The following OSBPL1A variants were observed in gnomAD, a reference collection of about 807,000 sequenced individuals.
OSBPL1A encodes the protein oxysterol binding protein like 1A.
A neutral mutation model predicts 137.1 loss-of-function variants in OSBPL1A; 80 were observed. That is an observed-to-expected ratio of 0.58 (90% CI 0.49 to 0.70). The LOEUF (loss-of-function observed/expected upper bound fraction) is 0.70. OSBPL1A is among the 30% of genes least tolerant of loss of function. OSBPL1A has a pLI of 0.00. For missense variants in OSBPL1A, 970 were observed against 1,129.4 expected (o/e 0.86, Z 2.02); for synonymous variants, 365 against 389.7 (o/e 0.94, Z 0.75).
intron 16 of OSBPL1A, among the ~76,000 whole-genome samples, chr18:24,226,260 G>C (rs1168654217): frequency 1.3e-5 from 2 of 152,136 alleles, no homozygotes; most frequent in African/African-American, 4.8e-5. Flanking sequence ...AGGACAATGT[G>C]GTTATTAACA....
chr18:24,185,349 A>G lies in OSBPL1A; in HGVS notation c.1678-4070T>C, dbSNP rs1191875998. On this transcript the variant is annotated intron_variant, in intron 18 of 27. Coordinates refer to ENST00000319481, the MANE Select transcript of OSBPL1A (RefSeq NM_080597.4). ...TTTTCTTTTTTTTTTTTTTTTTGAG[A>G]CTGAGTCTCGCCCTGTGGCCCAGGC... Among the ~76,000 whole-genome samples, 6 of 142,032 alleles carry G rather than the reference A, an allele frequency of 4.2e-5. No homozygotes were observed. In the East Asian group the frequency reaches 1.0e-3, roughly 24 times the overall value. 93.2% of individuals were successfully genotyped at this position (142,032 alleles called of 152,430 possible).
In OSBPL1A at chr18:24,210,919, C is replaced by A. The variant is rs2087519454; in HGVS notation, c.1601+14123G>T. Among the ~76,000 whole-genome samples the A allele has an allele frequency of 2.6e-5, 4 of 151,540 alleles. No individual in the cohort carries two copies. The South Asian group carries it at 8.4e-4, about 32-fold the overall frequency. ...AAAATAATTTCTTGACTTATTAATT[C>A]ATTTAATAAAAGTAAAAGTGATATG... is the stretch of plus-strand genomic sequence containing the variant. On this transcript the variant is annotated intron_variant, in intron 17 of 27. Coordinates refer to ENST00000319481, the MANE Select transcript of OSBPL1A (RefSeq NM_080597.4).
At chr18:24,384,830 C>T (rs1322862987) in intron 1 of OSBPL1A, among the ~76,000 whole-genome samples, 4 of 148,892 alleles carry the variant, frequency 2.7e-5, no homozygotes, top group Non-Finnish European at 5.9e-5. Context: ...GCCGAGAACG[C>T]GCCATTGCAC....
At chr18:24,273,450 T>A (rs934286085) in intron 15 of OSBPL1A, among the ~76,000 whole-genome samples, 1 of 152,350 alleles carries the variant, frequency 6.6e-6, no homozygotes, top group South Asian at 2.1e-4. Context: ...ATGTGCCAGG[T>A]ACTGTACTGA....
intron 17 of OSBPL1A, among the ~76,000 whole-genome samples, chr18:24,203,347 T>C (rs2087272870): frequency 6.6e-6 from 1 of 152,152 alleles, no homozygotes; most frequent in South Asian, 2.1e-4. Flanking sequence ...CCTCCTGCAC[T>C]CTCCAATACC....
chr18:24,335,308 T>C (rs914999326), intron 5 of OSBPL1A, among the ~76,000 whole-genome samples: 3 of 152,200 alleles, frequency 2.0e-5, no homozygotes, highest in Admixed American at 6.5e-5. Flanking sequence ...TGTTATTATA[T>C]TGATTTTTAC....
At chr18:24,168,761 G>A (rs1214204224) in intron 24 of OSBPL1A, among the ~76,000 whole-genome samples, 1 of 152,208 alleles carries the variant, frequency 6.6e-6, no homozygotes, top group African/African-American at 2.4e-5. Flanking sequence ...ATGGTAGGCA[G>A]ATGACAGGAA....
chr18:24,328,218 ATTTTTTTTTTT>A (rs564798076), intron 7 of OSBPL1A, among the ~76,000 whole-genome samples: 9,351 of 48,616 alleles, frequency 0.19, 528 homozygotes, highest in East Asian at 0.42. Flanking sequence ...AATTTTTTGT[ATTTTTTTTTTT>A]TTTTTTTTTT....
chr18:24,298,409 C>T (rs1187591655), intron 14 of OSBPL1A, among the ~76,000 whole-genome samples: 1 of 152,182 alleles, frequency 6.6e-6, no homozygotes, highest in African/African-American at 2.4e-5. Flanking sequence ...TGCAGTGGTG[C>T]GATCTTGGCT....
intron 7 of OSBPL1A, among the ~76,000 whole-genome samples, chr18:24,325,660 T>C (rs1264306633): frequency 1.3e-5 from 2 of 152,164 alleles, no homozygotes; most frequent in African/African-American, 4.8e-5. Context: ...GTTGTCTACC[T>C]CCTCCCACCA....
intron 1 of OSBPL1A, among the ~76,000 whole-genome samples, chr18:24,380,225 C>T (rs1232466519): frequency 1.3e-5 from 2 of 152,188 alleles, no homozygotes; most frequent in East Asian, 3.9e-4. Context: ...TGCAACACTT[C>T]TCAGGAAGCC....
intron 26 of OSBPL1A, 33 bp from the exon 27 acceptor site, chr18:24,165,188 A>G: frequency 6.3e-7 from 1 of 1,586,476 alleles, no homozygotes; most frequent in Non-Finnish European, 8.7e-7. Flanking sequence ...AACCATTAAC[A>G]CTCTACACAG....
At chr18:24,221,246 G>A (rs1031788280) in intron 17 of OSBPL1A, among the ~76,000 whole-genome samples, 28 of 152,046 alleles carry the variant, frequency 1.8e-4, no homozygotes, top group Non-Finnish European at 1.2e-4. Flanking sequence ...CCTTCAATTC[G>A]TGGGTGCATT....
chr18:24,188,939 G>A (rs2086820837), intron 18 of OSBPL1A, among the ~76,000 whole-genome samples: 1 of 152,166 alleles, frequency 6.6e-6, no homozygotes, highest in Admixed American at 6.5e-5. Flanking sequence ...ACCAATATGT[G>A]TGTATATTCC....
chr18:24,285,312 A>G (rs1313080828), intron 14 of OSBPL1A, among the ~76,000 whole-genome samples: 1 of 152,204 alleles, frequency 6.6e-6, no homozygotes, highest in African/African-American at 2.4e-5. Context: ...TCTTGCTACC[A>G]TAATTCTTTT....
intron 14 of OSBPL1A, among the ~76,000 whole-genome samples, chr18:24,283,319 C>T (rs1311019889): frequency 7.3e-6 from 1 of 137,034 alleles, no homozygotes; most frequent in African/African-American, 2.7e-5. Context: ...TATATACACA[C>T]ACACACAGAC....
At chr18:24,330,674 T>A (rs2091061181) in intron 7 of OSBPL1A, among the ~76,000 whole-genome samples, 1 of 152,064 alleles carries the variant, frequency 6.6e-6, no homozygotes, top group Non-Finnish European at 1.5e-5. Flanking sequence ...TCCACCCGCC[T>A]CGGCCTCCCA....
intron 1 of OSBPL1A, among the ~76,000 whole-genome samples, chr18:24,383,500 GT>G (rs1906751658): frequency 6.6e-6 from 1 of 152,236 alleles, no homozygotes; most frequent in Non-Finnish European, 1.5e-5. Flanking sequence ...GCTCACGCCT[GT>G]AATCCCAGCA....
intron 15 of OSBPL1A, among the ~76,000 whole-genome samples, chr18:24,242,065 G>C (rs187754346): frequency 5.4e-4 from 82 of 150,772 alleles, no homozygotes; most frequent in African/African-American, 2.0e-3. Context: ...TCTTAAGTGG[G>C]AGTTGAACAA....
Sources: allele counts gnomAD v4.1 joint callset (sites outside exome capture counted in the v4.1 genomes callset), GRCh38; gene constraint gnomAD v4.1.1; transcripts MANE v1.5; gene names NCBI Gene and HGNC (gene_info 2026-07-23, HGNC 2026-07-21).